The following GFER variants were observed in gnomAD, a reference collection of about 807,000 sequenced individuals.
The protein encoded by GFER is FAD-linked sulfhydryl oxidase ALR.
GFER carries 24 observed loss-of-function variants against 18.2 expected under a neutral mutation model. The ratio of observed to expected loss-of-function variants is 1.32; its 90% CI spans 0.96 to 1.86. The LOEUF (loss-of-function observed/expected upper bound fraction) is 1.86, where lower values mean the gene tolerates loss of function less well. GFER is among the 40% of genes most tolerant of loss of function. The probability of loss-of-function intolerance (pLI) is 0.00; values close to 1 mark genes in which losing one functional copy is unlikely to be tolerated. For missense variants in GFER, 316 were observed against 295.6 expected (o/e 1.07, Z -0.51); for synonymous variants, 138 against 126.9 (o/e 1.09, Z -0.59).
At chr16:1,985,556 G>A (rs982692220) in intron 2 of GFER, among the ~76,000 whole-genome samples, 2 of 152,234 alleles carry the variant, frequency 1.3e-5, no homozygotes, top group South Asian at 4.1e-4. Flanking sequence ...AGGGACACTG[G>A]ATGCCGCTTC....
Position 1,986,313 on chromosome 16 carries a change from G to A in GFER, c.*285G>A, listed in dbSNP as rs748598076. The stretch of plus-strand genomic sequence containing the variant: ...GCCTGGGCTGCCCCTTGACATTCAG[G>A]ATGTAGCTTCCTGCCCACCGCATAC... On this transcript the variant is annotated 3_prime_UTR_variant, in exon 3 of 3. Coordinates refer to ENST00000248114, the MANE Select transcript of GFER (RefSeq NM_005262.3). The A allele has an allele frequency of 2.1e-6, 1 of 466,150 alleles. No homozygotes were observed. Among genetic ancestry groups the A allele is most frequent in the South Asian group, 2.0e-5 (1 of 49,294 alleles). 28.9% of individuals were successfully genotyped at this position (466,150 alleles called of 1,614,324 possible). A position where few individuals can be genotyped will look rare whatever the true frequency, so the allele number is the denominator to read the frequency against.
At chr16:1,985,744 G>A (rs2083562201) in intron 2 of GFER, 122 bp from the exon 3 acceptor site, 2 of 919,936 alleles carry the variant, frequency 2.2e-6, no homozygotes, top group South Asian at 1.3e-5. Context: ...GGAGCATAAG[G>A]GCACTCCCAG....
chr16:1,984,678 G>A, intron 1 of GFER, 69 bp from the exon 2 acceptor site: 2 of 1,456,584 alleles, frequency 1.4e-6, no homozygotes, highest in Non-Finnish European at 1.9e-6. Context: ...CGGCTGGGCC[G>A]TACAGTGGGG....
intron 1 of GFER, 99 bp downstream of exon 1, chr16:1,984,575 A>C (rs2083552238): frequency 1.4e-6 from 2 of 1,426,020 alleles, no homozygotes; most frequent in Non-Finnish European, 1.9e-6. Flanking sequence ...CCTGTCCCTG[A>C]ACCTTGCCCC....
chr16:1,985,830 G>C, intron 2 of GFER, 36 bp from the exon 3 acceptor site: 1 of 1,596,690 alleles, frequency 6.3e-7, no homozygotes, highest in Non-Finnish European at 8.5e-7. Context: ...TGGAGCCGCT[G>C]CGTCCTCTCA....
chr16:1,984,347 C>G lies in GFER; in HGVS notation c.129C>G (p.Asp43Glu), dbSNP rs1016725284. Reference protein sequence around the residue: ...DARGRGAGRRDAAASASTPAQ... With the variant: ...DARGRGAGRREAAASASTPAQ... ...GGGGCCGGGGCGCGGGGCGGAGAGA[C>G]GCGGCCGCCTCGGCCTCGACGCCAG... Residue 43 changes from aspartate (D) to glutamate (E), a missense_variant, in exon 1 of 3, where the codon GAC becomes GAG. Asp to Glu is a conservative substitution (Grantham distance 45). Transcript: ENST00000248114. 5 of 1,508,716 alleles carry G rather than the reference C, an allele frequency of 3.3e-6. No homozygotes were observed. In the Admixed American group the frequency reaches 6.3e-5, roughly 19 times the overall value. The allele number at this position is 1,508,716 out of a possible 1,614,324, so 93.5% of individuals were successfully genotyped here. A position where few individuals can be genotyped will look rare whatever the true frequency, so the allele number is the denominator to read the frequency against.
Position 1,984,352 on chromosome 16 carries a change from C to T in GFER, c.134C>T (p.Ala45Val). ...CGGGGCGCGGGGCGGAGAGACGCGGCCGCCTCGGCCTCGACGCCAGCCCAG... is the reference window on the plus strand; with the variant it reads ...CGGGGCGCGGGGCGGAGAGACGCGGTCGCCTCGGCCTCGACGCCAGCCCAG... ...RGRGAGRRDA[A>V]ASASTPAQAP... Residue 45 changes from alanine to valine, a missense_variant, in exon 1 of 3, where the codon GCC (alanine) becomes GTC (valine). Ala to Val is a moderately conservative substitution (Grantham distance 64). Coordinates refer to ENST00000248114, the MANE Select transcript of GFER (RefSeq NM_005262.3). 1 of 1,509,678 alleles carries T rather than the reference C, an allele frequency of 6.6e-7. No individual in the cohort carries two copies. The highest frequency in any genetic ancestry group is 8.8e-7 in the Non-Finnish European group (1 of 1,135,678). 93.5% of individuals were successfully genotyped at this position (1,509,678 alleles called of 1,614,324 possible). A position where few individuals can be genotyped will look rare whatever the true frequency, so the allele number is the denominator to read the frequency against.
Position 1,987,539 on chromosome 16 carries a change from C to G in GFER, c.*1511C>G, listed in dbSNP as rs986648458. ...GGAGAGGAGGTGTCCCTTCCTCGCC[C>G]AGACACAGCGCGCTTCTCTCTGGCC... On this transcript the variant is annotated 3_prime_UTR_variant, in exon 3 of 3. Transcript: ENST00000248114. The G allele has an allele frequency of 6.6e-6, 1 of 152,286 alleles. No individual in the cohort carries two copies. Among genetic ancestry groups the G allele is most frequent in the Non-Finnish European group, 1.5e-5 (1 of 68,168 alleles). 9.4% of individuals were successfully genotyped at this position (152,286 alleles called of 1,614,324 possible).
At chr16:1,985,751 C>T (rs1472827768) in intron 2 of GFER, 115 bp from the exon 3 acceptor site, 2 of 978,540 alleles carry the variant, frequency 2.0e-6, no homozygotes, top group Admixed American at 3.4e-5. Flanking sequence ...AAGGGCACTC[C>T]CAGGTGTAGT....
At position 1,987,249 on chromosome 16, in the gene GFER, AC is replaced by A. The variant is rs1265734058; in HGVS notation, c.*1222del. ...GCTGAGTGCAGCAAGGTGGGGGGTG[AC>A]TGGGACCCAGCCTTTGGGCCTCCCC... On this transcript the variant is annotated 3_prime_UTR_variant, in exon 3 of 3. Transcript: ENST00000248114. The A allele has an allele frequency of 6.6e-6, 1 of 152,630 alleles. No individual in the cohort carries two copies. The highest frequency in any genetic ancestry group is 2.4e-5 in the African/African-American group (1 of 41,434). The allele number at this position is 152,630 out of a possible 1,614,324, so 9.5% of individuals were successfully genotyped here. A position where few individuals can be genotyped will look rare whatever the true frequency, so the allele number is the denominator to read the frequency against.
Position 1,984,930 on chromosome 16 carries a change from G to C in GFER, c.442G>C (p.Asp148His). 6.2e-7 allele frequency: 1 copy of C among 1,612,572 alleles called. No homozygotes were observed. The highest frequency in any genetic ancestry group is 8.5e-7 in the Non-Finnish European group (1 of 1,179,022). Residue 148 changes from aspartate to histidine, a missense_variant, in exon 2 of 3, where the codon GAC becomes CAC. Physicochemically the swap from Asp to His is moderately conservative, Grantham distance 81. Transcript: ENST00000248114. Reference sequence around the variant, plus strand: ...TTACCCCTGTGAGGAGTGTGCTGAAGACCTAAGAAAAAGGTAAGATGTGTT... The same window carrying C: ...TTACCCCTGTGAGGAGTGTGCTGAACACCTAAGAAAAAGGTAAGATGTGTT... Reference protein sequence around the residue: ...KFYPCEECAEDLRKRLCRNHP... With the variant: ...KFYPCEECAEHLRKRLCRNHP...
In GFER at chr16:1,984,850, C is replaced by G; in HGVS notation, c.362C>G (p.Pro121Arg). The G allele has an allele frequency of 6.2e-7, 1 of 1,613,630 alleles. No homozygotes were observed. The highest frequency in any genetic ancestry group is 8.5e-7 in the Non-Finnish European group (1 of 1,179,862). ...HTLAAYYPDL[P>R]TPEQQQDMAQ... is the part of the protein sequence containing the mutation. ...CTGGCCGCCTACTACCCCGACCTGC[C>G]CACCCCAGAACAGCAGCAAGACATG... Residue 121 changes from proline (P) to arginine (R), a missense_variant, in exon 2 of 3, where the codon CCC becomes CGC. Coordinates refer to ENST00000248114, the MANE Select transcript of GFER (RefSeq NM_005262.3).
chr16:1,984,373 C>T lies in GFER; in HGVS notation c.155C>T (p.Ala52Val). The T allele has an allele frequency of 6.5e-7, 1 of 1,530,396 alleles. No homozygotes were observed. Among genetic ancestry groups the T allele is most frequent in the Non-Finnish European group, 8.7e-7 (1 of 1,142,954 alleles). The allele number at this position is 1,530,396 out of a possible 1,614,324, so 94.8% of individuals were successfully genotyped here. ...RDAAASASTP[A>V]QAPTSDSPVA... ...GCGGCCGCCTCGGCCTCGACGCCAG[C>T]CCAGGCGCCGACCTCCGATTCTCCT... The change falls in exon 1 of 3, where the codon GCC becomes GTC. Residue 52 changes from alanine to valine, a missense_variant. Ala to Val is a moderately conservative substitution (Grantham distance 64). Transcript: ENST00000248114.
Position 1,985,910 on chromosome 16 carries a change from C to T in GFER, c.500C>T (p.Thr167Ile), listed in dbSNP as rs1165875692. 14 of 1,612,948 alleles carry T rather than the reference C, an allele frequency of 8.7e-6. No homozygotes were observed. Among genetic ancestry groups the T allele is most frequent in the Non-Finnish European group, 4.2e-6 (5 of 1,179,970 alleles). The change falls in exon 3 of 3, where the codon ACA becomes ATA. Residue 167 changes from threonine (T) to isoleucine (I), a missense_variant. Physicochemically the swap from Thr to Ile is moderately conservative, Grantham distance 89. Coordinates refer to ENST00000248114, the MANE Select transcript of GFER (RefSeq NM_005262.3). ...GACACCCGCACCCGGGCATGCTTCA[C>T]ACAGTGGCTGTGCCACCTGCACAAT... is the stretch of plus-strand genomic sequence containing the variant. ...HPDTRTRACF[T>I]QWLCHLHNEV...
In GFER at chr16:1,984,249, C is replaced by T. The variant is rs1382599825; in HGVS notation, c.31C>T (p.His11Tyr). MAAPGERGRF[H>Y]GGNLFFLPGG... ...GGCGCCCGGCGAGCGGGGCCGCTTCCACGGCGGGAACCTCTTCTTCCTGCC... is the reference window on the plus strand; with the variant it reads ...GGCGCCCGGCGAGCGGGGCCGCTTCTACGGCGGGAACCTCTTCTTCCTGCC... Residue 11 changes from histidine to tyrosine, a missense_variant, in exon 1 of 3, where the codon CAC (histidine) becomes TAC (tyrosine). Physicochemically the swap from His to Tyr is moderately conservative, Grantham distance 83. Coordinates refer to ENST00000248114, the MANE Select transcript of GFER (RefSeq NM_005262.3). The T allele has an allele frequency of 2.0e-6, 3 of 1,477,528 alleles. No homozygotes were observed. Among genetic ancestry groups the T allele is most frequent in the African/African-American group, 1.5e-5 (1 of 68,078 alleles). 91.5% of individuals were successfully genotyped at this position (1,477,528 alleles called of 1,614,324 possible). A position where few individuals can be genotyped will look rare whatever the true frequency, so the allele number is the denominator to read the frequency against.
chr16:1,984,418 G>A lies in GFER; in HGVS notation c.200G>A (p.Arg67Gln), dbSNP rs1401328877. Residue 67 changes from arginine to glutamine, a missense_variant, in exon 1 of 3, where the codon CGG becomes CAG. By Grantham distance (43) the Arg-to-Gln change is conservative. Transcript: ENST00000248114. ...SDSPVAEDAS[R>Q]RRPCRACVDF... ...TCTCCTGTCGCCGAGGACGCCTCCC[G>A]GAGGCGGCCGTGCCGGGCCTGCGTC... 4 of 1,543,174 alleles carry A rather than the reference G, an allele frequency of 2.6e-6. No individual in the cohort carries two copies. The highest frequency in any genetic ancestry group is 3.5e-6 in the Non-Finnish European group (4 of 1,148,212).
At position 1,984,276 on chromosome 16, in the gene GFER, G is replaced by C. The variant is rs1042664976; in HGVS notation, c.58G>C (p.Gly20Arg). The C allele has an allele frequency of 6.8e-7, 1 of 1,479,256 alleles. No individual in the cohort carries two copies. The highest frequency in any genetic ancestry group is 1.3e-5 in the South Asian group (1 of 77,800). 91.6% of individuals were successfully genotyped at this position (1,479,256 alleles called of 1,614,324 possible). A position where few individuals can be genotyped will look rare whatever the true frequency, so the allele number is the denominator to read the frequency against. ...CGGCGGGAACCTCTTCTTCCTGCCG[G>C]GGGGCGCGCGCTCCGAGATGATGGA... ...FHGGNLFFLP[G>R]GARSEMMDDL... Residue 20 changes from glycine to arginine, a missense_variant, in exon 1 of 3, where the codon GGG becomes CGG. Transcript: ENST00000248114.
rs1376952981 is a variant in GFER, at chr16:1,986,682, G to C, written c.*654G>C. 6.1e-6 allele frequency: 1 copy of C among 164,370 alleles called. No individual in the cohort carries two copies. Among genetic ancestry groups the C allele is most frequent in the Non-Finnish European group, 1.4e-5 (1 of 73,860 alleles). 10.2% of individuals were successfully genotyped at this position (164,370 alleles called of 1,614,324 possible). The stretch of plus-strand genomic sequence containing the variant: ...AAACGCTGAAGTGACTGAGAACCTG[G>C]CTTCAGTATATTTTCTGCTGGGGCT... On this transcript the variant is annotated 3_prime_UTR_variant, in exon 3 of 3. Coordinates refer to ENST00000248114, the MANE Select transcript of GFER (RefSeq NM_005262.3).
rs1252204064 is a variant in GFER, at chr16:1,987,077, G to C, written c.*1049G>C. 6.7e-6 allele frequency: 1 copy of C among 149,118 alleles called. No homozygotes were observed. The highest frequency in any genetic ancestry group is 6.8e-5 in the Admixed American group (1 of 14,712). 9.2% of individuals were successfully genotyped at this position (149,118 alleles called of 1,614,324 possible). A position where few individuals can be genotyped will look rare whatever the true frequency, so the allele number is the denominator to read the frequency against. On this transcript the variant is annotated 3_prime_UTR_variant, in exon 3 of 3. Transcript: ENST00000248114. ...GAGGGGTGGGGAGGAAGCCGGGGCA[G>C]TCACCGAGTGACCACCAAGAGGAAG...
Sources: gnomAD v4.1 joint callset for allele counts (sites outside exome capture counted in the v4.1 genomes callset) on GRCh38, gnomAD v4.1.1 for gene constraint, MANE v1.5 for transcripts, NCBI Gene and HGNC (gene_info 2026-07-23, HGNC 2026-07-21) for gene names.